SLC35C1: variants seen among roughly 807,000 people sequenced by gnomAD.
The protein encoded by SLC35C1 is GDP-fucose transporter 1.
Under a neutral mutation model 23.2 loss-of-function variants are expected in SLC35C1, and 8 were observed. That is an observed-to-expected ratio of 0.35 (90% CI 0.20 to 0.62). The LOEUF is 0.62. Ranked by LOEUF, SLC35C1 falls within the 20% of genes least tolerant of loss-of-function variation. The pLI is 0.75. For synonymous variants in SLC35C1, 226 were observed against 225.1 expected (o/e 1.00, Z -0.04); for missense variants, 422 against 478.6 (o/e 0.88, Z 1.10).
rs1250424292 is a variant in SLC35C1, at chr11:45,812,410, G to A, written c.*1075G>A. On this transcript the variant is annotated 3_prime_UTR_variant, in exon 2 of 2. Transcript: ENST00000314134. Reference sequence around the variant, plus strand: ...TGCTTGGCCCCACTGTTAGTCCAGCGAGCTCCTATATCAAAATGCCGTAGG... The same window carrying A: ...TGCTTGGCCCCACTGTTAGTCCAGCAAGCTCCTATATCAAAATGCCGTAGG... 1.0e-5 allele frequency: 4 copies of A among 382,714 alleles called. No individual in the cohort carries two copies. The highest frequency in any genetic ancestry group is 2.1e-5 in the Non-Finnish European group (4 of 191,130). 23.7% of individuals were successfully genotyped at this position (382,714 alleles called of 1,614,324 possible). A position where few individuals can be genotyped will look rare whatever the true frequency, so the allele number is the denominator to read the frequency against.
Position 45,811,508 on chromosome 11 carries a change from T to G in SLC35C1, c.*173T>G. ...AGAAGGAACCAGTGTTTACAAGTAA[T>G]ATCAGAAAGTTGAAGGAACCAGTGT... On this transcript the variant is annotated 3_prime_UTR_variant, in exon 2 of 2. Transcript: ENST00000314134. 1 of 521,876 alleles carries G rather than the reference T, an allele frequency of 1.9e-6. No homozygotes were observed. The highest frequency in any genetic ancestry group is 3.3e-6 in the Non-Finnish European group (1 of 304,960). The allele number at this position is 521,876 out of a possible 1,614,324, so 32.3% of individuals were successfully genotyped here. A position where few individuals can be genotyped will look rare whatever the true frequency, so the allele number is the denominator to read the frequency against.
chr11:45,805,746 C>G lies in SLC35C1; in HGVS notation c.-56C>G. On this transcript the variant is annotated 5_prime_UTR_variant, in exon 1 of 2. Coordinates refer to ENST00000314134, the MANE Select transcript of SLC35C1 (RefSeq NM_018389.5). ...GGAGAGCACAAGTGAGCTCACTGCC[C>G]TGGACTCCAGGGAATCAGAGTTCTG... is the stretch of plus-strand genomic sequence containing the variant. The G allele has an allele frequency of 6.2e-7, 1 of 1,604,432 alleles. No individual in the cohort carries two copies. The highest frequency in any genetic ancestry group is 8.5e-7 in the Non-Finnish European group (1 of 1,179,820).
At chr11:45,810,653 G>C (rs1590746832) in intron 1 of SLC35C1, 123 bp from the exon 2 acceptor site, 2 of 1,456,338 alleles carry the variant, frequency 1.4e-6, no homozygotes, top group East Asian at 5.0e-5. Context: ...GGAGGCCTGG[G>C]GAGGAACGGG....
chr11:45,810,390 C>G, intron 1 of SLC35C1: 2 of 985,458 alleles, frequency 2.0e-6, no homozygotes, highest in Non-Finnish European at 2.4e-6. Context: ...CTCAGTTCAA[C>G]TGTTATTTTC....
chr11:45,805,972 C>T lies in SLC35C1; in HGVS notation c.171C>T (p.Phe57=), dbSNP rs934733613. The change falls in exon 1 of 2, where the codon TTC becomes TTT. Residue 57 remains phenylalanine, a synonymous_variant. Coordinates refer to ENST00000314134, the MANE Select transcript of SLC35C1 (RefSeq NM_018389.5). The stretch of plus-strand genomic sequence containing the variant: ...GGGTCACCTCCATCTCCATGGTGTT[C>T]CTTAATAAGTACCTGCTGGACAGCC... ...LYWVTSISMV[F]LNKYLLDSPS... The T allele has an allele frequency of 1.2e-6, 2 of 1,614,050 alleles. No individual in the cohort carries two copies. Among genetic ancestry groups the T allele is most frequent in the African/African-American group, 2.7e-5 (2 of 74,926 alleles).
In SLC35C1 at chr11:45,812,694, C is replaced by T. The variant is rs1008797315; in HGVS notation, c.*1359C>T. 10 of 455,250 alleles carry T rather than the reference C, an allele frequency of 2.2e-5. No individual in the cohort carries two copies. Among genetic ancestry groups the T allele is most frequent in the South Asian group, 1.5e-4 (10 of 64,534 alleles). 28.2% of individuals were successfully genotyped at this position (455,250 alleles called of 1,614,324 possible). On this transcript the variant is annotated 3_prime_UTR_variant, in exon 2 of 2. Transcript: ENST00000314134. ...GCTCCAAAGGCCCCACCTCCTAATA[C>T]TGTCACCTTGGGGGTGAGAATTCCA...
Position 45,805,335 on chromosome 11 carries a change from G to GCCCCCCCCCCCCC in SLC35C1, c.-464_-463insCCCCCCCCCCCCC. ...GCTCCCTGTACGCCTCCCTCCCCCTGCCCGCCCCTCCCTCCCACAGCCGCC... is the reference window on the plus strand; with the variant it reads ...GCTCCCTGTACGCCTCCCTCCCCCTGCCCCCCCCCCCCCCCCGCCCCTCCCTCCCACAGCCGCC... On this transcript the variant is annotated 5_prime_UTR_variant, in exon 1 of 2. Transcript: ENST00000314134. 3.5e-6 allele frequency: 2 copies of GCCCCCCCCCCCCC among 566,220 alleles called. No individual in the cohort carries two copies. The highest frequency in any genetic ancestry group is 1.3e-4 in the Admixed American group (1 of 7,536). The allele number at this position is 566,220 out of a possible 1,614,324, so 35.1% of individuals were successfully genotyped here.
chr11:45,804,588 G>A, upstream of SLC35C1: 8 of 985,800 alleles, frequency 8.1e-6, no homozygotes, highest in Non-Finnish European at 9.6e-6. Context: ...CAGGAGCACA[G>A]GGAGGACAAA....
rs902443585 is a variant in SLC35C1 at position 45,810,638 on chromosome 11, T to G, written c.536-138T>G. The G allele has an allele frequency of 2.8e-5, 40 of 1,445,644 alleles. No homozygotes were observed. The East Asian group carries it at 1.0e-3, about 36-fold the overall frequency. The allele number at this position is 1,445,644 out of a possible 1,614,324, so 89.6% of individuals were successfully genotyped here. ...CAGTGGAGACTCTGGCTGTGCTTATTGGAGGGAGGCCTGGGGAGGAACGGG... is the reference window on the plus strand; with the variant it reads ...CAGTGGAGACTCTGGCTGTGCTTATGGGAGGGAGGCCTGGGGAGGAACGGG... On this transcript the variant is annotated intron_variant, in intron 1 of 1. Transcript: ENST00000314134.
At position 45,805,831 on chromosome 11, in the gene SLC35C1, G is replaced by A. The variant is rs771690714; in HGVS notation, c.30G>A (p.Arg10=). ...ATAGGGCCCCTCTGAAGCGGTCCAGGATCCTGCACATGGCGCTGACCGGGG... is the reference window on the plus strand; with the variant it reads ...ATAGGGCCCCTCTGAAGCGGTCCAGAATCCTGCACATGGCGCTGACCGGGG... MNRAPLKRS[R]ILHMALTGAS... is the part of the protein sequence containing the mutation. Residue 10 remains arginine (R), a synonymous_variant, in exon 1 of 2, where the codon AGG becomes AGA. Transcript: ENST00000314134. 2.5e-6 allele frequency: 4 copies of A among 1,613,864 alleles called. No individual in the cohort carries two copies. The South Asian group carries it at 3.3e-5, about 13-fold the overall frequency.
At position 45,810,757 on chromosome 11, in the gene SLC35C1, C is replaced by T; in HGVS notation, c.536-19C>T. On this transcript the variant is annotated intron_variant, in intron 1 of 1. Coordinates refer to ENST00000314134, the MANE Select transcript of SLC35C1 (RefSeq NM_018389.5). Reference sequence around the variant, plus strand: ...TCCCTCTTCCTCACCCTTCCCCACTCCTCCTCTCCCCACTGCAGGGGGCTT... The same window carrying T: ...TCCCTCTTCCTCACCCTTCCCCACTTCTCCTCTCCCCACTGCAGGGGGCTT... 1.2e-6 allele frequency: 2 copies of T among 1,605,578 alleles called. No homozygotes were observed. Among genetic ancestry groups the T allele is most frequent in the South Asian group, 1.1e-5 (1 of 90,888 alleles).
upstream of SLC35C1, chr11:45,805,137 C>T (rs530622849): frequency 7.0e-4 from 686 of 986,630 alleles, 4 homozygotes; most frequent in African/African-American, 0.011. Context: ...GCCCGCCTCC[C>T]GGGGAGTCGG....
At chr11:45,804,387 G>T, upstream of SLC35C1, 1 of 700,934 alleles carries the variant, frequency 1.4e-6, no homozygotes, top group Non-Finnish European at 1.8e-6. Context: ...TGCAGCACGG[G>T]GTCGCGGGGC....
At position 45,806,258 on chromosome 11, in the gene SLC35C1, T is replaced by G; in HGVS notation, c.457T>G (p.Phe153Val). The G allele has an allele frequency of 6.2e-7, 1 of 1,610,678 alleles. No homozygotes were observed. The highest frequency in any genetic ancestry group is 8.5e-7 in the Non-Finnish European group (1 of 1,180,000). ...YNVGRSLTTV[F>V]NVLLSYLLLK... ...TGTGGGCCGCTCACTCACCACCGTCTTCAACGTGCTGCTCTCCTACCTGCT... is the reference window on the plus strand; with the variant it reads ...TGTGGGCCGCTCACTCACCACCGTCGTCAACGTGCTGCTCTCCTACCTGCT... The change falls in exon 1 of 2, where the codon TTC becomes GTC. Residue 153 changes from phenylalanine to valine, a missense_variant. Coordinates refer to ENST00000314134, the MANE Select transcript of SLC35C1 (RefSeq NM_018389.5).
At position 45,810,848 on chromosome 11, in the gene SLC35C1, T is replaced by G. The variant is rs779250905; in HGVS notation, c.608T>G (p.Val203Gly). The change falls in exon 2 of 2, where the codon GTG (valine) becomes GGG (glycine). Residue 203 changes from valine (V) to glycine (G), a missense_variant. Transcript: ENST00000314134. The stretch of plus-strand genomic sequence containing the variant: ...TCGTGGCTGGGCACCGTCTTCGGCG[T>G]GCTGGCTAGCCTCTGTGTCTCGCTC... ...TLSWLGTVFGVLASLCVSLNA... is the reference protein window; with the variant it reads ...TLSWLGTVFGGLASLCVSLNA... 6.2e-7 allele frequency: 1 copy of G among 1,612,426 alleles called. No individual in the cohort carries two copies. The highest frequency in any genetic ancestry group is 1.1e-5 in the South Asian group (1 of 91,088).
At position 45,812,700 on chromosome 11, in the gene SLC35C1, C is replaced by T; in HGVS notation, c.*1365C>T. 1 of 452,682 alleles carries T rather than the reference C, an allele frequency of 2.2e-6. No individual in the cohort carries two copies. Among genetic ancestry groups the T allele is most frequent in the Non-Finnish European group, 4.5e-6 (1 of 224,610 alleles). The allele number at this position is 452,682 out of a possible 1,614,324, so 28.0% of individuals were successfully genotyped here. On this transcript the variant is annotated 3_prime_UTR_variant, in exon 2 of 2. Transcript: ENST00000314134. ...AAGGCCCCACCTCCTAATACTGTCA[C>T]CTTGGGGGTGAGAATTCCAATGTGA...
rs112180305 is a variant in SLC35C1, at chr11:45,810,211, C to T, written c.536-565C>T. Reference sequence around the variant, plus strand: ...AGGAAGTGACACAAGATGAGAGTCTCAGAGTCACTGCCCCAAATGACACAA... The same window carrying T: ...AGGAAGTGACACAAGATGAGAGTCTTAGAGTCACTGCCCCAAATGACACAA... On this transcript the variant is annotated intron_variant, in intron 1 of 1. Transcript: ENST00000314134. The T allele has an allele frequency of 1.0e-3, 994 of 985,416 alleles. 10 individuals are homozygous for T. In the African/African-American group the frequency reaches 0.015, roughly 15 times the overall value. 61.0% of individuals were successfully genotyped at this position (985,416 alleles called of 1,614,324 possible).
rs7943306 is a variant in SLC35C1 at position 45,812,647 on chromosome 11, T to C, written c.*1312T>C. ...AGGACTCCAACCCTGTTCATGAGGGTTCCGCCCCCATGACCCAATCAGCTC... is the reference window on the plus strand; with the variant it reads ...AGGACTCCAACCCTGTTCATGAGGGCTCCGCCCCCATGACCCAATCAGCTC... On this transcript the variant is annotated 3_prime_UTR_variant, in exon 2 of 2. Transcript: ENST00000314134. 0.81 allele frequency: 370,538 copies of C among 455,684 alleles called. 154,342 individuals carry two copies. The highest frequency in any genetic ancestry group is 0.89 in the Non-Finnish European group (201,869 of 226,698). The allele number at this position is 455,684 out of a possible 1,614,324, so 28.2% of individuals were successfully genotyped here.
chr11:45,807,598 G>A (rs1001781860), intron 1 of SLC35C1, among the ~76,000 whole-genome samples: 2 of 152,166 alleles, frequency 1.3e-5, no homozygotes, highest in African/African-American at 4.8e-5. Flanking sequence ...CTTTGCTGAT[G>A]GCTCAGGGTC....
Sources: gnomAD v4.1 joint callset for allele counts (sites outside exome capture counted in the v4.1 genomes callset) on GRCh38, gnomAD v4.1.1 for gene constraint, MANE v1.5 for transcripts, NCBI Gene and HGNC (gene_info 2026-07-23, HGNC 2026-07-21) for gene names.